The following WFDC8 variants were observed in gnomAD, a reference collection of about 807,000 sequenced individuals.
WFDC8 encodes WAP four-disulfide core domain 8.
A neutral mutation model predicts 27.0 loss-of-function variants in WFDC8; 24 were observed. The ratio of observed to expected loss-of-function variants is 0.89; its 90% CI spans 0.64 to 1.25. The LOEUF (loss-of-function observed/expected upper bound fraction) is 1.25. Ranked by LOEUF, WFDC8 falls within the 50% of genes most tolerant of loss-of-function variation. WFDC8 has a pLI of 0.00. For synonymous variants in WFDC8, 106 were observed against 99.7 expected, an observed-to-expected ratio of 1.06 and a Z score of -0.38; for missense variants, 287 against 295.9, an observed-to-expected ratio of 0.97 and a Z score of 0.22.
intron 5 of WFDC8, 93 bp downstream of exon 5, chr20:45,553,043 T>C (rs917987235): frequency 6.8e-6 from 10 of 1,468,720 alleles, no homozygotes; most frequent in Non-Finnish European, 9.2e-6. Flanking sequence ...CCAAGGAGCA[T>C]CTGAGGTTCA....
intron 1 of WFDC8, among the ~76,000 whole-genome samples, 164 bp from the exon 2 acceptor site, chr20:45,562,383 T>G (rs1417200555): frequency 2.0e-5 from 3 of 152,150 alleles, no homozygotes; most frequent in African/African-American, 7.2e-5. Flanking sequence ...GATGGTGAGT[T>G]AAGGTGTGTC....
At chr20:45,562,241 T>G in intron 1 of WFDC8, 22 bp from the exon 2 acceptor site, 7 of 1,598,294 alleles carry the variant, frequency 4.4e-6, no homozygotes, top group Non-Finnish European at 5.1e-6. Context: ...AGAAGAGAGG[T>G]GGGAGTTAAG....
At position 45,555,787 on chromosome 20, in the gene WFDC8, C is replaced by A. The variant is rs995321423; in HGVS notation, c.359G>T (p.Cys120Phe). Residue 120 changes from cysteine (C) to phenylalanine (F), a missense_variant, in exon 4 of 6, where the codon TGC (cysteine) becomes TTC (phenylalanine). Transcript: ENST00000289953. ...RWHFDFKNYRCTPFKYRGCEG... is the reference protein window; with the variant it reads ...RWHFDFKNYRFTPFKYRGCEG... ...GCAGCCCCTGTATTTGAAGGGTGTG[C>A]AGCGGTAATTTTTAAAGTCAAAATG... is the stretch of plus-strand genomic sequence containing the variant. 6.2e-7 allele frequency: 1 copy of A among 1,613,618 alleles called. No individual in the cohort carries two copies. The highest frequency in any genetic ancestry group is 1.3e-5 in the African/African-American group (1 of 74,872).
intron 1 of WFDC8, among the ~76,000 whole-genome samples, chr20:45,566,792 A>G (rs1189045957): frequency 6.6e-6 from 1 of 152,222 alleles, no homozygotes; most frequent in Admixed American, 6.5e-5. Context: ...AAGTAACTTT[A>G]GTTTAAAATA....
intron 1 of WFDC8, among the ~76,000 whole-genome samples, chr20:45,566,941 G>A (rs1050930510): frequency 7.2e-5 from 11 of 152,046 alleles, no homozygotes; most frequent in African/African-American, 2.7e-4. Flanking sequence ...ATACTTTAAA[G>A]TCACCTCTAG....
downstream of WFDC8, chr20:45,551,435 T>C (rs4812911): frequency 0.39 from 58,671 of 151,632 alleles, 11,822 homozygotes; most frequent in Non-Finnish European, 0.43. Flanking sequence ...TGTGACCAGC[T>C]TGGCCAACAT....
intron 1 of WFDC8, among the ~76,000 whole-genome samples, chr20:45,575,343 A>G (rs1397779535): frequency 2.0e-5 from 3 of 152,326 alleles, no homozygotes; most frequent in African/African-American, 7.2e-5. Flanking sequence ...TACAAAATCA[A>G]CATACAAAAA....
chr20:45,558,407 A>G (rs1240842421), intron 3 of WFDC8, among the ~76,000 whole-genome samples: 1 of 152,252 alleles, frequency 6.6e-6, no homozygotes, highest in African/African-American at 2.4e-5. Context: ...TTGAATGAAT[A>G]AATGTATGAG....
At chr20:45,579,153 A>C in intron 1 of WFDC8, 69 bp downstream of exon 1, 6 of 1,487,018 alleles carry the variant, frequency 4.0e-6, no homozygotes, top group Non-Finnish European at 5.6e-6. Flanking sequence ...ACTTCTATGT[A>C]TCCTCCTCAT....
rs181864011 is a variant in WFDC8, at chr20:45,578,298, C to T, written c.26+924G>A. On this transcript the variant is annotated intron_variant, in intron 1 of 5. Transcript: ENST00000289953. ...CGGTGTTCACAGTGACTTTACAGAA[C>T]ATAACTACCCCCAAGTAATGGGAAT... Among the ~76,000 whole-genome samples, 127 of 151,498 alleles carry T rather than the reference C, an allele frequency of 8.4e-4. 7 individuals carry two copies. Among genetic ancestry groups the T allele is most frequent in the Non-Finnish European group, 1.6e-3 (109 of 67,672 alleles).
intron 4 of WFDC8, among the ~76,000 whole-genome samples, chr20:45,555,002 GCCCACA>G (rs1980187186): frequency 1.3e-5 from 2 of 152,166 alleles, no homozygotes; most frequent in South Asian, 4.1e-4. Context: ...CGTTTAGTGA[GCCCACA>G]CCACGGGACC....
At chr20:45,555,440 A>C (rs1371898601) in intron 4 of WFDC8, among the ~76,000 whole-genome samples, 1 of 152,174 alleles carries the variant, frequency 6.6e-6, no homozygotes, top group Non-Finnish European at 1.5e-5. Context: ...ATTGGCCAAG[A>C]TCTATTAACA....
rs745425478 is a variant in WFDC8 at position 45,555,671 on chromosome 20, AC to A, written c.445+29del. On this transcript the variant is annotated intron_variant, in intron 4 of 5. Coordinates refer to ENST00000289953, the MANE Select transcript of WFDC8 (RefSeq NM_130896.3). ...GGTATACTATTTCTAGTTAAACTAG[AC>A]CCTCAGATTTCCAGGATAGAGGTCT... 1.1e-4 allele frequency: 183 copies of A among 1,610,404 alleles called. 1 individual carries two copies. The highest frequency in any genetic ancestry group is 4.6e-5 in the Non-Finnish European group (54 of 1,178,614).
chr20:45,559,615 C>T (rs1422019431), intron 2 of WFDC8: 1 of 152,222 alleles, frequency 6.6e-6, no homozygotes, highest in Non-Finnish European at 1.5e-5. Context: ...ATGACAATTC[C>T]TGCCTTACAG....
intron 1 of WFDC8, among the ~76,000 whole-genome samples, chr20:45,574,440 A>C (rs1042580292): frequency 1.3e-5 from 2 of 151,872 alleles, no homozygotes; most frequent in Non-Finnish European, 2.9e-5. Flanking sequence ...TGATGTACAC[A>C]GAGGCAAAAA....
chr20:45,562,473 C>G (rs1980508092), intron 1 of WFDC8, among the ~76,000 whole-genome samples: 1 of 152,212 alleles, frequency 6.6e-6, no homozygotes, highest in African/African-American at 2.4e-5. Context: ...AGACACTTGC[C>G]TATTGTCTTG....
intron 1 of WFDC8, among the ~76,000 whole-genome samples, chr20:45,573,557 G>T (rs1388097545): frequency 2.6e-5 from 4 of 152,104 alleles, no homozygotes; most frequent in African/African-American, 9.7e-5. Flanking sequence ...TATGGTATTT[G>T]GTTTTCCATT....
At chr20:45,565,583 ATTC>A (rs1980648908) in intron 1 of WFDC8, among the ~76,000 whole-genome samples, 1 of 152,190 alleles carries the variant, frequency 6.6e-6, no homozygotes, top group Non-Finnish European at 1.5e-5. Context: ...AAACTTCTGA[ATTC>A]CAAACAAAGG....
At chr20:45,560,947 G>A (rs1165544766) in intron 2 of WFDC8, among the ~76,000 whole-genome samples, 1 of 152,168 alleles carries the variant, frequency 6.6e-6, no homozygotes, top group African/African-American at 2.4e-5. Context: ...AGAACCCCAG[G>A]TGGTCCTAAA....
Sources: gnomAD v4.1 joint callset for allele counts (sites outside exome capture counted in the v4.1 genomes callset) on GRCh38, gnomAD v4.1.1 for gene constraint, MANE v1.5 for transcripts, NCBI Gene and HGNC (gene_info 2026-07-23, HGNC 2026-07-21) for gene names.